Variants in HHAT observed in about 807,000 individuals in gnomAD.
HHAT encodes hedgehog acyltransferase.
In HHAT, 47 loss-of-function variants were observed where a neutral mutation model predicts 70.8. That is an observed-to-expected ratio of 0.66 (90% CI 0.53 to 0.85). HHAT has a LOEUF of 0.85. HHAT is among the 40% of genes least tolerant of loss of function. The pLI, the probability that HHAT is intolerant of heterozygous loss-of-function variation, is 0.00. For synonymous variants in HHAT, 228 were observed against 247.6 expected, an observed-to-expected ratio of 0.92 and a Z score of 0.74; for missense variants, 609 against 604.8, an observed-to-expected ratio of 1.01 and a Z score of -0.07.
intron 4 of HHAT, among the ~76,000 whole-genome samples, chr1:210,390,380 C>T (rs1188116629): frequency 1.3e-5 from 2 of 152,122 alleles, no homozygotes; most frequent in African/African-American, 4.8e-5. Flanking sequence ...AAGAGGGCTG[C>T]TGTTTAATAA....
At chr1:210,643,641 T>C (rs1673405219) in intron 11 of HHAT, among the ~76,000 whole-genome samples, 1 of 152,134 alleles carries the variant, frequency 6.6e-6, no homozygotes, top group South Asian at 2.1e-4. Context: ...ATGAATCTTT[T>C]GCAGATTTTG....
chr1:210,515,049 G>T (rs1208564805), intron 9 of HHAT, among the ~76,000 whole-genome samples: 3 of 152,218 alleles, frequency 2.0e-5, no homozygotes, highest in Non-Finnish European at 2.9e-5. Context: ...GGTGCTGGAA[G>T]ATGCTCTAAC....
rs188855366 is a variant in HHAT at position 210,646,326 on chromosome 1, T to C, written c.1390+22656T>C. 1.9e-3 allele frequency among the ~76,000 whole-genome samples: 286 copies of C among 152,316 alleles called. 2 individuals are homozygous for C. The highest frequency in any genetic ancestry group is 6.0e-3 in the African/African-American group (248 of 41,568). The stretch of plus-strand genomic sequence containing the variant: ...TATTATACTAAAGCAGAAAAAAATA[T>C]TTACAAACTCCTAGCCTGAACCTCT... On this transcript the variant is annotated intron_variant, in intron 11 of 11. Coordinates refer to ENST00000261458, the MANE Select transcript of HHAT (RefSeq NM_018194.6).
chr1:210,329,357 G>A (rs2084784953), intron 1 of HHAT: 2 of 1,190,566 alleles, frequency 1.7e-6, no homozygotes, highest in African/African-American at 1.6e-5. Flanking sequence ...GCACGGCCCT[G>A]CCCACGTCCT....
chr1:210,408,942 G>A (rs1290717008), intron 6 of HHAT, among the ~76,000 whole-genome samples: 1 of 152,146 alleles, frequency 6.6e-6, no homozygotes, highest in African/African-American at 2.4e-5. Flanking sequence ...GCTCACTGTA[G>A]CTTTGGCCTC....
At chr1:210,373,932 C>T (rs555385998) in intron 3 of HHAT, among the ~76,000 whole-genome samples, 1 of 152,292 alleles carries the variant, frequency 6.6e-6, no homozygotes, top group African/African-American at 2.4e-5. Context: ...CAGTCTGTGT[C>T]TCCAATGTTA....
At chr1:210,647,427 C>T (rs1246585334) in intron 11 of HHAT, among the ~76,000 whole-genome samples, 1 of 152,186 alleles carries the variant, frequency 6.6e-6, no homozygotes, top group Non-Finnish European at 1.5e-5. Context: ...CCCCATTCCA[C>T]TGGGGACATT....
In HHAT at chr1:210,443,238, G is replaced by A. The variant is rs1212247535; in HGVS notation, c.857-21267G>A. 1.5e-4 allele frequency among the ~76,000 whole-genome samples: 22 copies of A among 143,434 alleles called. No homozygotes were observed. The South Asian group carries it at 3.0e-3, about 20-fold the overall frequency. 94.1% of individuals were successfully genotyped at this position (143,434 alleles called of 152,430 possible). On this transcript the variant is annotated intron_variant, in intron 7 of 11. Transcript: ENST00000261458. ...TTGGTACCAGTACCATGCTGTTTTG[G>A]TTACTGTAGCCTTGTAGTATAGTTT...
chr1:210,354,268 G>A (rs191596310), intron 2 of HHAT, among the ~76,000 whole-genome samples: 3 of 134,272 alleles, frequency 2.2e-5, no homozygotes, highest in African/African-American at 5.9e-5. Flanking sequence ...ACAGTGGCAC[G>A]ATCTCTGCTC....
chr1:210,587,939 T>G lies in HHAT; in HGVS notation c.1085T>G (p.Leu362Arg), dbSNP rs1189204348. 2 of 1,614,024 alleles carry G rather than the reference T, an allele frequency of 1.2e-6. No homozygotes were observed. Among genetic ancestry groups the G allele is most frequent in the East Asian group, 4.5e-5 (2 of 44,890 alleles). Residue 362 changes from leucine (L) to arginine (R), a missense_variant, in exon 10 of 12, where the codon CTG becomes CGG. Physicochemically the swap from Leu to Arg is moderately radical, Grantham distance 102 (BLOSUM62 -2). Coordinates refer to ENST00000261458, the MANE Select transcript of HHAT (RefSeq NM_018194.6). ...IPVGGSQHGL[L>R]GTLFSTAMTF... is the part of the protein sequence containing the mutation. ...GTGGGCGGGTCCCAGCATGGCCTGC[T>G]GGGGACACTGTTTTCCACGGCGATG...
At chr1:210,487,240 A>G (rs4301631) in intron 8 of HHAT, among the ~76,000 whole-genome samples, 152,215 of 152,296 alleles carry the variant, frequency 1, 76,067 homozygotes, top group Non-Finnish European at 1. Flanking sequence ...AGGACAAAGG[A>G]GTTGCAGAAC....
chr1:210,391,467 A>G (rs2091454857), intron 4 of HHAT, among the ~76,000 whole-genome samples: 1 of 152,198 alleles, frequency 6.6e-6, no homozygotes, highest in Non-Finnish European at 1.5e-5. Flanking sequence ...CTAATGACAC[A>G]ATAGAAAAGT....
At chr1:210,479,665 T>G (rs2094361474) in intron 8 of HHAT, among the ~76,000 whole-genome samples, 1 of 152,242 alleles carries the variant, frequency 6.6e-6, no homozygotes, top group Admixed American at 6.5e-5. Context: ...AGCTTTAAAC[T>G]GTCATGTCTT....
intron 3 of HHAT, among the ~76,000 whole-genome samples, chr1:210,365,315 T>TTTTTTTG (rs71585842): frequency 0.1 from 12,827 of 124,000 alleles, 1,092 homozygotes; most frequent in Non-Finnish European, 0.14. Context: ...GACAGTTTTT[T>TTTTTTTG]TTTTTTTTTT....
At chr1:210,447,698 A>G (rs2093663319) in intron 7 of HHAT, among the ~76,000 whole-genome samples, 1 of 152,248 alleles carries the variant, frequency 6.6e-6, no homozygotes, top group Non-Finnish European at 1.5e-5. Context: ...CTGAAGATCC[A>G]GGTTCTTGAA....
chr1:210,509,450 C>T (rs978170599), intron 8 of HHAT, among the ~76,000 whole-genome samples: 5 of 152,126 alleles, frequency 3.3e-5, no homozygotes, highest in African/African-American at 9.7e-5. Context: ...GGTACTGTTC[C>T]CTGGGGGGTC....
chr1:210,564,867 A>C (rs963549867), intron 9 of HHAT, among the ~76,000 whole-genome samples: 1 of 152,062 alleles, frequency 6.6e-6, no homozygotes, highest in East Asian at 1.9e-4. Flanking sequence ...AAGAAATGGG[A>C]TGGGGGGTCA....
intron 7 of HHAT, among the ~76,000 whole-genome samples, chr1:210,448,541 A>G (rs1055584486): frequency 6.6e-6 from 1 of 152,182 alleles, no homozygotes; most frequent in Non-Finnish European, 1.5e-5. Context: ...AAATTAGCCT[A>G]ATATTCAGCC....
intron 1 of HHAT, among the ~76,000 whole-genome samples, chr1:210,335,744 T>G (rs912478965): frequency 7.9e-5 from 12 of 152,326 alleles, no homozygotes; most frequent in African/African-American, 2.9e-4. Context: ...ATCTAGATCA[T>G]GTACCTCATC....
Sources: gnomAD v4.1 joint callset for allele counts (sites outside exome capture counted in the v4.1 genomes callset) on GRCh38, gnomAD v4.1.1 for gene constraint, MANE v1.5 for transcripts, NCBI Gene and HGNC (gene_info 2026-07-23, HGNC 2026-07-21) for gene names.